The following PLPPR2 variants were observed in gnomAD, a reference collection of about 807,000 sequenced individuals.
PLPPR2 encodes the protein phospholipid phosphatase related 2.
PLPPR2 carries 11 observed loss-of-function variants against 40.3 expected under a neutral mutation model. The observed-to-expected ratio is 0.27, with a 90% confidence interval of 0.17 to 0.45. PLPPR2 has a LOEUF of 0.45. Among genes scored for constraint, PLPPR2 ranks in the 20% least tolerant of loss-of-function variants. The probability of loss-of-function intolerance (pLI) is 1.00; values close to 1 mark genes in which losing one functional copy is unlikely to be tolerated. For synonymous variants in PLPPR2, 260 were observed against 290.8 expected (o/e 0.89, Z 1.08); for missense variants, 497 against 640.7 (o/e 0.78, Z 2.42).
intron 3 of PLPPR2, among the ~76,000 whole-genome samples, chr19:11,358,243 G>A (rs160914): frequency 0.065 from 9,872 of 152,088 alleles, 677 homozygotes; most frequent in African/African-American, 0.17. Flanking sequence ...TTTGGTAGAG[G>A]TGGGATTTCA....
chr19:11,361,126 A>C lies in PLPPR2; in HGVS notation c.392-91A>C. On this transcript the variant is annotated intron_variant, in intron 5 of 9. Coordinates refer to ENST00000688289, the MANE Select transcript of PLPPR2 (RefSeq NM_001393892.1). The surrounding 1 kb of genome is among the most constrained non-coding windows in gnomAD (Gnocchi z 6.3). ...AGGGTCCCAAGTGTGCTTTAATGAC[A>C]GTCACAGGAAAAGGGAGCTAAGAGG... 1.4e-6 allele frequency: 2 copies of C among 1,470,158 alleles called. No individual in the cohort carries two copies. The highest frequency in any genetic ancestry group is 1.8e-6 in the Non-Finnish European group (2 of 1,098,332). 91.1% of individuals were successfully genotyped at this position (1,470,158 alleles called of 1,614,324 possible).
At position 11,359,815 on chromosome 19, in the gene PLPPR2, C is replaced by A; in HGVS notation, c.256-6C>A. The A allele has an allele frequency of 6.2e-7, 1 of 1,608,466 alleles. No homozygotes were observed. Among genetic ancestry groups the A allele is most frequent in the East Asian group, 2.2e-5 (1 of 44,750 alleles). ...CCAGAAGACTCCATCTTGGTCTTGC[C>A]CACAGATCCTGCTGGGAGAGCTGGC... On this transcript the variant is annotated splice_region_variant and splice_polypyrimidine_tract_variant and intron_variant, in intron 4 of 9. Transcript: ENST00000688289. This position sits in a 1 kb window ranked among gnomAD's most constrained non-coding sequence, Gnocchi z 5.6.
chr19:11,362,319 A>ACC lies in PLPPR2; in HGVS notation c.664-185_664-184dup, dbSNP rs3833252. 306 of 346,294 alleles carry ACC rather than the reference A, an allele frequency of 8.8e-4. 1 individual carries two copies. The highest frequency in any genetic ancestry group is 6.6e-3 in the African/African-American group (257 of 38,764). 21.5% of individuals were successfully genotyped at this position (346,294 alleles called of 1,614,324 possible). A position where few individuals can be genotyped will look rare whatever the true frequency, so the allele number is the denominator to read the frequency against. On this transcript the variant is annotated intron_variant, in intron 6 of 9. Transcript: ENST00000688289. The surrounding 1 kb of genome is among the most constrained non-coding windows in gnomAD (Gnocchi z 5.3). ...CGAGACTCCAAGACCTCAATCCCTG[A>ACC]CCCCCCCCCCTTTGCCTTTTTGGTC... is the stretch of plus-strand genomic sequence containing the variant.
chr19:11,362,319 A>AC lies in PLPPR2; in HGVS notation c.664-184dup, dbSNP rs3833252. ...CGAGACTCCAAGACCTCAATCCCTG[A>AC]CCCCCCCCCCTTTGCCTTTTTGGTC... On this transcript the variant is annotated intron_variant, in intron 6 of 9. Coordinates refer to ENST00000688289, the MANE Select transcript of PLPPR2 (RefSeq NM_001393892.1). The surrounding 1 kb of genome is among the most constrained non-coding windows in gnomAD (Gnocchi z 5.3). 7,846 of 345,088 alleles carry AC rather than the reference A, an allele frequency of 0.023. 84 individuals are homozygous for AC. The highest frequency in any genetic ancestry group is 0.032 in the Admixed American group (699 of 22,020). The allele number at this position is 345,088 out of a possible 1,614,324, so 21.4% of individuals were successfully genotyped here.
At position 11,357,596 on chromosome 19, in the gene PLPPR2, C is replaced by T. The variant is rs761981030; in HGVS notation, c.-14-64C>T. 4.1e-5 allele frequency: 52 copies of T among 1,268,340 alleles called. No individual in the cohort carries two copies. In the South Asian group the frequency reaches 4.6e-4, roughly 11 times the overall value. 78.6% of individuals were successfully genotyped at this position (1,268,340 alleles called of 1,614,324 possible). The stretch of plus-strand genomic sequence containing the variant: ...GACTCAGGGGATGAAGCCAGGGTCC[C>T]GGTGACCTGAGCCTTCCCCTAGGCA... On this transcript the variant is annotated intron_variant, in intron 2 of 9. Coordinates refer to ENST00000688289, the MANE Select transcript of PLPPR2 (RefSeq NM_001393892.1).
chr19:11,357,807 T>A (rs371570694), intron 3 of PLPPR2, 68 bp downstream of exon 3: 31 of 1,298,118 alleles, frequency 2.4e-5, no homozygotes, highest in Non-Finnish European at 3.1e-5. Flanking sequence ...CTCAGTCTCC[T>A]TATCTGTACC....
rs547368910 is a variant in PLPPR2 at position 11,362,432 on chromosome 19, C to T, written c.664-81C>T. ...CTCCAGCCCCAACGCTCTGGCCATG[C>T]GCTCTAGCCCAGAAAGGAGCGTCCA... On this transcript the variant is annotated intron_variant, in intron 6 of 9. Transcript: ENST00000688289. The surrounding 1 kb of genome is among the most constrained non-coding windows in gnomAD (Gnocchi z 5.3). The T allele has an allele frequency of 1.0e-4, 159 of 1,541,628 alleles. No homozygotes were observed. Among genetic ancestry groups the T allele is most frequent in the Non-Finnish European group, 1.1e-4 (126 of 1,129,000 alleles).
intron 3 of PLPPR2, among the ~76,000 whole-genome samples, chr19:11,358,029 C>CTGTG (rs751126799): frequency 2.0e-5 from 3 of 149,458 alleles, no homozygotes; most frequent in South Asian, 2.1e-4. Flanking sequence ...GGGCTGTTCT[C>CTGTG]TGTGTGTGTG....
Position 11,359,582 on chromosome 19 carries a change from G to C in PLPPR2, c.117G>C (p.Thr39=). 6.2e-7 allele frequency: 1 copy of C among 1,600,732 alleles called. No individual in the cohort carries two copies. Among genetic ancestry groups the C allele is most frequent in the South Asian group, 1.1e-5 (1 of 89,330 alleles). ...TGCTTGCTTACCGCCTGGAGTTCAC[G>C]GACACCTTCCCTGTGCACACCCAGG... The part of the protein sequence containing the change: ...VILLAYRLEF[T]DTFPVHTQGF... Residue 39 remains threonine (T), a synonymous_variant, in exon 4 of 10, where the codon ACG becomes ACC. Coordinates refer to ENST00000688289, the MANE Select transcript of PLPPR2 (RefSeq NM_001393892.1). The surrounding 1 kb of genome is among the most constrained non-coding windows in gnomAD (Gnocchi z 5.6).
chr19:11,361,513 G>A lies in PLPPR2; in HGVS notation c.663+25G>A. 2 of 1,575,072 alleles carry A rather than the reference G, an allele frequency of 1.3e-6. No individual in the cohort carries two copies. The highest frequency in any genetic ancestry group is 1.7e-6 in the Non-Finnish European group (2 of 1,164,176). Reference sequence around the variant, plus strand: ...GGTGAGCTTCGGGAGCTTCGGGGTCGGAAATGGGTGTGCAGGCTGGACAGC... The same window carrying A: ...GGTGAGCTTCGGGAGCTTCGGGGTCAGAAATGGGTGTGCAGGCTGGACAGC... On this transcript the variant is annotated intron_variant, in intron 6 of 9. Transcript: ENST00000688289. This position sits in a 1 kb window ranked among gnomAD's most constrained non-coding sequence, Gnocchi z 6.3.
In PLPPR2 at chr19:11,363,976, G is replaced by C. The variant is rs565743725; in HGVS notation, c.963+141G>C. ...GGATCACCCATCTCTGTGGACATAG[G>C]TCCTGGGCGGACAGCCCCAAAGAAT... On this transcript the variant is annotated intron_variant, in intron 8 of 9. Coordinates refer to ENST00000688289, the MANE Select transcript of PLPPR2 (RefSeq NM_001393892.1). This position sits in a 1 kb window ranked among gnomAD's most constrained non-coding sequence, Gnocchi z 4.8. The C allele has an allele frequency of 7.5e-7, 1 of 1,332,772 alleles. No homozygotes were observed. Among genetic ancestry groups the C allele is most frequent in the Admixed American group, 2.6e-5 (1 of 39,132 alleles). 82.6% of individuals were successfully genotyped at this position (1,332,772 alleles called of 1,614,324 possible).
At chr19:11,357,772 G>A (rs765284538) in intron 3 of PLPPR2, 33 bp downstream of exon 3, 12 of 1,552,784 alleles carry the variant, frequency 7.7e-6, no homozygotes, top group East Asian at 2.3e-5. Flanking sequence ...CAGAGACGGC[G>A]TGCCTATCTC....
intron 1 of PLPPR2, among the ~76,000 whole-genome samples, chr19:11,356,148 GTC>G (rs1310653667): frequency 1.3e-5 from 2 of 152,064 alleles, no homozygotes; most frequent in African/African-American, 2.4e-5. Flanking sequence ...GGCATTGTGA[GTC>G]TGTGTCATGG....
In PLPPR2 at chr19:11,363,791, G is replaced by A; in HGVS notation, c.919G>A (p.Ala307Thr). 6.2e-7 allele frequency: 1 copy of A among 1,614,168 alleles called. No individual in the cohort carries two copies. The highest frequency in any genetic ancestry group is 1.7e-5 in the Admixed American group (1 of 60,018). The change falls in exon 8 of 10, where the codon GCC (alanine) becomes ACC (threonine). Residue 307 changes from alanine to threonine, a missense_variant. Physicochemically the swap from Ala to Thr is moderately conservative, Grantham distance 58. Coordinates refer to ENST00000688289, the MANE Select transcript of PLPPR2 (RefSeq NM_001393892.1). The surrounding 1 kb of genome is among the most constrained non-coding windows in gnomAD (Gnocchi z 4.8). ...RLSPWEDLGQ[A>T]PTMDSPLEKL... ...CTCTCCCTGGGAGGACCTGGGCCAA[G>A]CCCCCACCATGGATAGCCCCCTCGA...
intron 3 of PLPPR2, 65 bp downstream of exon 3, chr19:11,357,804 T>A: frequency 7.5e-7 from 1 of 1,330,186 alleles, no homozygotes; most frequent in Non-Finnish European, 1.0e-6. Flanking sequence ...AACCTCAGTC[T>A]CCTTATCTGT....
At position 11,359,730 on chromosome 19, in the gene PLPPR2, T is replaced by C. The variant is rs774117969; in HGVS notation, c.255+10T>C. On this transcript the variant is annotated intron_variant, in intron 4 of 9. Coordinates refer to ENST00000688289, the MANE Select transcript of PLPPR2 (RefSeq NM_001393892.1). The surrounding 1 kb of genome is among the most constrained non-coding windows in gnomAD (Gnocchi z 5.6). ...CGGGCCCACCCTCACGGTGAGACAA[T>C]GAAGACCTCCTAGGAGGCAGGTGGG... is the stretch of plus-strand genomic sequence containing the variant. 13 of 1,582,400 alleles carry C rather than the reference T, an allele frequency of 8.2e-6. No homozygotes were observed. In the East Asian group the frequency reaches 2.9e-4, roughly 36 times the overall value.
chr19:11,357,774 G>A (rs1429856944), intron 3 of PLPPR2, 35 bp downstream of exon 3: 3 of 1,541,540 alleles, frequency 1.9e-6, no homozygotes, highest in African/African-American at 2.7e-5. Context: ...GAGACGGCGT[G>A]CCTATCTCTG....
In PLPPR2 at chr19:11,362,639, T is replaced by C; in HGVS notation, c.790T>C (p.Ser264Pro). 1 of 1,613,916 alleles carries C rather than the reference T, an allele frequency of 6.2e-7. No individual in the cohort carries two copies. The highest frequency in any genetic ancestry group is 8.5e-7 in the Non-Finnish European group (1 of 1,179,962). ...VRVAEYRNHW[S>P]DVLAGFLTGA... is the part of the protein sequence containing the mutation. ...CGTGGCCGAGTACCGAAACCACTGG[T>C]CGGACGTGCTGGCTGGCTTCCTGAC... The change falls in exon 7 of 10, where the codon TCG becomes CCG. Residue 264 changes from serine to proline, a missense_variant. Physicochemically the swap from Ser to Pro is moderately conservative, Grantham distance 74. Coordinates refer to ENST00000688289, the MANE Select transcript of PLPPR2 (RefSeq NM_001393892.1). This position sits in a 1 kb window ranked among gnomAD's most constrained non-coding sequence, Gnocchi z 5.3.
At chr19:11,357,615 C>G in intron 2 of PLPPR2, 45 bp from the exon 3 acceptor site, 3 of 1,487,584 alleles carry the variant, frequency 2.0e-6, no homozygotes, top group Non-Finnish European at 2.7e-6. Flanking sequence ...GAGCCTTCCC[C>G]TAGGCACACC....
Sources: allele counts gnomAD v4.1 joint callset (sites outside exome capture counted in the v4.1 genomes callset), GRCh38; gene constraint gnomAD v4.1.1; non-coding constraint Gnocchi (gnomAD v3.1); transcripts MANE v1.5; gene names NCBI Gene and HGNC (gene_info 2026-07-23, HGNC 2026-07-21).